ITGA2: variants seen among roughly 807,000 people sequenced by gnomAD.
The protein encoded by ITGA2 is integrin subunit alpha 2, also known as integrin alpha-2.
A neutral mutation model predicts 146.3 loss-of-function variants in ITGA2; 101 were observed. The observed-to-expected ratio is 0.69, with a 90% CI of 0.59 to 0.81. The LOEUF is 0.81. ITGA2 is among the 40% of genes least tolerant of loss of function. ITGA2 has a pLI of 0.00. For missense variants in ITGA2, 1,281 were observed against 1,402.7 expected, an observed-to-expected ratio of 0.91 and a Z score of 1.39; for synonymous variants, 477 against 487.1, an observed-to-expected ratio of 0.98 and a Z score of 0.27.
intron 7 of ITGA2, among the ~76,000 whole-genome samples, chr5:53,051,836 G>A (rs1226388263): frequency 6.6e-6 from 1 of 152,124 alleles, no homozygotes; most frequent in Non-Finnish European, 1.5e-5. Flanking sequence ...GAAGACCTTA[G>A]ATTAAAACAG....
Position 53,063,049 on chromosome 5 carries a change from A to G in ITGA2, c.1602+120A>G, listed in dbSNP as rs150294533. 5.2e-4 allele frequency: 433 copies of G among 836,830 alleles called. No homozygotes were observed. In the African/African-American group the frequency reaches 7.0e-3, roughly 13 times the overall value. The allele number at this position is 836,830 out of a possible 1,614,324, so 51.8% of individuals were successfully genotyped here. On this transcript the variant is annotated intron_variant, in intron 13 of 29. Transcript: ENST00000296585. Reference sequence around the variant, plus strand: ...AATTTGCACAGATAGTATGGTTTACATTTCATCATTTTTGAGGATGTCCCC... The same window carrying G: ...AATTTGCACAGATAGTATGGTTTACGTTTCATCATTTTTGAGGATGTCCCC...
chr5:53,056,016 T>C lies in ITGA2; in HGVS notation c.963T>C (p.Asp321=), dbSNP rs776756885. ...GGTACTTAAACAGAAACGCCCTTGA[T>C]ACTAAAAATTTAATAAAAGAAATAA... ...VLGYLNRNAL[D]TKNLIKEIKA... is the part of the protein sequence containing the mutation. Residue 321 remains aspartate, a synonymous_variant, in exon 9 of 30, where the codon GAT becomes GAC. Coordinates refer to ENST00000296585, the MANE Select transcript of ITGA2 (RefSeq NM_002203.4). 1.9e-6 allele frequency: 3 copies of C among 1,609,184 alleles called. No homozygotes were observed. The highest frequency in any genetic ancestry group is 2.5e-6 in the Non-Finnish European group (3 of 1,178,028).
At chr5:53,071,890 T>C (rs778659936) in intron 17 of ITGA2, 48 bp from the exon 18 acceptor site, 11 of 1,377,044 alleles carry the variant, frequency 8.0e-6, no homozygotes, top group Middle Eastern at 1.8e-4. Context: ...TATGCTCTAA[T>C]AAACTGACTC....
Position 53,081,578 on chromosome 5 carries a change from T to G in ITGA2, c.3040-14T>G. On this transcript the variant is annotated splice_polypyrimidine_tract_variant and intron_variant, in intron 25 of 29. Coordinates refer to ENST00000296585, the MANE Select transcript of ITGA2 (RefSeq NM_002203.4). The stretch of plus-strand genomic sequence containing the variant: ...TTTGCTTCTGAAGTCTGATCGGGTG[T>G]TCTTCTTTTATAGGCTGGTGACATC... The G allele has an allele frequency of 6.3e-7, 1 of 1,589,110 alleles. No individual in the cohort carries two copies. Among genetic ancestry groups the G allele is most frequent in the Non-Finnish European group, 8.6e-7 (1 of 1,159,162 alleles).
Position 53,048,732 on chromosome 5 carries a change from T to C in ITGA2, c.592T>C (p.Phe198Leu), listed in dbSNP as rs1206390539. Residue 198 changes from phenylalanine to leucine, a missense_variant, in exon 6 of 30, where the codon TTT becomes CTT. Around this residue, in one of 3 missense-constraint regions of ITGA2, gnomAD observed 795 missense variants for 841.7 expected, o/e 0.94. Coordinates refer to ENST00000296585, the MANE Select transcript of ITGA2 (RefSeq NM_002203.4). ...WDAVKNFLEK[F>L]VQGLDIGPTK... Reference sequence around the variant, plus strand: ...TGCAGTAAAGAATTTTTTGGAAAAATTTGTACAAGGCCTGGATATAGGCCC... The same window carrying C: ...TGCAGTAAAGAATTTTTTGGAAAAACTTGTACAAGGCCTGGATATAGGCCC... 1 of 1,613,996 alleles carries C rather than the reference T, an allele frequency of 6.2e-7. No individual in the cohort carries two copies. The highest frequency in any genetic ancestry group is 1.1e-5 in the South Asian group (1 of 91,068).
intron 9 of ITGA2, among the ~76,000 whole-genome samples, chr5:53,056,415 G>A (rs532343110): frequency 5.3e-5 from 8 of 151,810 alleles, no homozygotes; most frequent in East Asian, 3.9e-4. Context: ...AAATTAAACC[G>A]ACAATATGTT....
At chr5:53,044,475 G>T (rs1351100871) in intron 3 of ITGA2, among the ~76,000 whole-genome samples, 5 of 151,874 alleles carry the variant, frequency 3.3e-5, no homozygotes, top group Non-Finnish European at 5.9e-5. Context: ...TACAGTGGTT[G>T]ATGCCCTAGG....
At chr5:53,004,335 C>G (rs1459747170) in intron 1 of ITGA2, among the ~76,000 whole-genome samples, 2 of 152,092 alleles carry the variant, frequency 1.3e-5, no homozygotes. Flanking sequence ...GCAAACAATT[C>G]CCTACCTTGT....
chr5:53,087,352 C>T (rs1396958814), intron 28 of ITGA2, among the ~76,000 whole-genome samples: 1 of 152,132 alleles, frequency 6.6e-6, no homozygotes, highest in Non-Finnish European at 1.5e-5. Flanking sequence ...TGTCTCTTCT[C>T]ATGACTAAGC....
At chr5:53,002,641 A>T (rs1741639594) in intron 1 of ITGA2, among the ~76,000 whole-genome samples, 1 of 152,114 alleles carries the variant, frequency 6.6e-6, no homozygotes, top group Admixed American at 6.5e-5. Context: ...TTTGCCCCCC[A>T]CTGTAAATAA....
rs764948808 is a variant in ITGA2 at position 53,073,165 on chromosome 5, C to T, written c.2477C>T (p.Ser826Leu). The T allele has an allele frequency of 6.2e-7, 1 of 1,612,290 alleles. No individual in the cohort carries two copies. Among genetic ancestry groups the T allele is most frequent in the Non-Finnish European group, 8.5e-7 (1 of 1,178,806 alleles). The change falls in exon 20 of 30, where the codon TCA (serine) becomes TTA (leucine). Residue 826 changes from serine to leucine, a missense_variant. Around this residue, in one of 3 missense-constraint regions of ITGA2, gnomAD observed 475 missense variants for 530.5 expected, o/e 0.90. Coordinates refer to ENST00000296585, the MANE Select transcript of ITGA2 (RefSeq NM_002203.4). ...AACCAAAACAAAAGGTTAACATTTTCAGTAACGCTGAAAAATAAAAGGGAA... is the reference window on the plus strand; with the variant it reads ...AACCAAAACAAAAGGTTAACATTTTTAGTAACGCTGAAAAATAAAAGGGAA... ...VSNQNKRLTF[S>L]VTLKNKRESA... is the part of the protein sequence containing the mutation.
rs767170230 is a variant in ITGA2, at chr5:53,070,111, A to G, written c.2086A>G (p.Ile696Val). Residue 696 changes from isoleucine to valine, a missense_variant and splice_region_variant, in exon 17 of 30, where the codon ATT (isoleucine) becomes GTT (valine). By Grantham distance (29) the Ile-to-Val change is conservative (BLOSUM62 3). Coordinates refer to ENST00000296585, the MANE Select transcript of ITGA2 (RefSeq NM_002203.4). ...CTTTATGATTTTTTTTATCATAGCC[A>G]TTGTATATAACATCACACTTGATGC... ...RPTKQNNQVA[I>V]VYNITLDADG... The G allele has an allele frequency of 6.2e-7, 1 of 1,608,906 alleles. No individual in the cohort carries two copies. Among genetic ancestry groups the G allele is most frequent in the Non-Finnish European group, 8.5e-7 (1 of 1,176,136 alleles).
chr5:53,066,083 A>G (rs1745137983), intron 15 of ITGA2, 106 bp downstream of exon 15: 1 of 1,052,968 alleles, frequency 9.5e-7, no homozygotes, highest in Admixed American at 1.7e-5. Context: ...ATTCTATAAG[A>G]CTATAGGGAA....
chr5:53,031,687 CT>C (rs1222159718), intron 2 of ITGA2, among the ~76,000 whole-genome samples: 3 of 152,264 alleles, frequency 2.0e-5, no homozygotes, highest in Non-Finnish European at 4.4e-5. Flanking sequence ...ATTCTGGAGC[CT>C]TTTTAACAGT....
At chr5:53,013,487 AC>A (rs1213749583) in intron 1 of ITGA2, among the ~76,000 whole-genome samples, 1 of 151,562 alleles carries the variant, frequency 6.6e-6, no homozygotes, top group Non-Finnish European at 1.5e-5. Context: ...TTGTACCAGT[AC>A]CATGTTGTTT....
At chr5:53,089,893 TC>T in intron 28 of ITGA2, 52 bp from the exon 29 acceptor site, 1 of 1,034,482 alleles carries the variant, frequency 9.7e-7, no homozygotes, top group Non-Finnish European at 1.5e-6. Context: ...CTAGACCATC[TC>T]CCCCCTTTTT....
At chr5:53,003,124 A>G (rs1042399563) in intron 1 of ITGA2, among the ~76,000 whole-genome samples, 1 of 152,072 alleles carries the variant, frequency 6.6e-6, no homozygotes, top group African/African-American at 2.4e-5. Flanking sequence ...TAAGCTACCC[A>G]TTGGGGCTCC....
intron 2 of ITGA2, 75 bp downstream of exon 2, chr5:53,026,943 C>A: frequency 7.6e-7 from 1 of 1,315,748 alleles, no homozygotes; most frequent in South Asian, 1.2e-5. Context: ...ATTGCTTTTT[C>A]AAATTGGTGC....
At chr5:52,995,256 GC>G (rs1418906741) in intron 1 of ITGA2, among the ~76,000 whole-genome samples, 1 of 152,214 alleles carries the variant, frequency 6.6e-6, no homozygotes, top group Non-Finnish European at 1.5e-5. Context: ...GTCTTGAAGG[GC>G]CTTGAGCAGG....
Sources: gnomAD v4.1 joint callset for allele counts (sites outside exome capture counted in the v4.1 genomes callset) on GRCh38, gnomAD v4.1.1 for gene constraint, gnomAD v4.1.1 regional missense constraint, MANE v1.5 for transcripts, NCBI Gene and HGNC (gene_info 2026-07-23, HGNC 2026-07-21) for gene names.